GDA: variants seen among roughly 807,000 people sequenced by gnomAD.
GDA encodes cytoplasmic PSD-95 interactor.
A neutral mutation model predicts 59.6 loss-of-function variants in GDA; 18 were observed. The observed-to-expected ratio is 0.30, with a 90% confidence interval of 0.21 to 0.45. GDA has a LOEUF of 0.45. Among genes scored for constraint, GDA ranks in the 20% least tolerant of loss-of-function variants. GDA has a pLI of 1.00. For synonymous variants in GDA, 201 were observed against 201.1 expected (o/e 1.00, Z 0.00); for missense variants, 427 against 552.3 (o/e 0.77, Z 2.27).
At position 72,149,594 on chromosome 9, in the gene GDA, T is replaced by A; in HGVS notation, c.35T>A (p.Ile12Asn). 4 of 1,611,508 alleles carry A rather than the reference T, an allele frequency of 2.5e-6. No homozygotes were observed. Among genetic ancestry groups the A allele is most frequent in the Non-Finnish European group, 3.4e-6 (4 of 1,179,110 alleles). ...CAAQMPPLAH[I>N]FRGTFVHSTW... The stretch of plus-strand genomic sequence containing the variant: ...GCTCAGATGCCGCCCCTGGCGCACA[T>A]CTTCCGAGGGACGTTCGTCCACTCC... The change falls in exon 1 of 14, where the codon ATC (isoleucine) becomes AAC (asparagine). Residue 12 changes from isoleucine to asparagine, a missense_variant. Coordinates refer to ENST00000358399, the MANE Select transcript of GDA (RefSeq NM_004293.5).
chr9:72,221,763 T>C (rs1159960269), intron 6 of GDA, among the ~76,000 whole-genome samples: 1 of 152,250 alleles, frequency 6.6e-6, no homozygotes, highest in Non-Finnish European at 1.5e-5. Context: ...TATGGGTCCA[T>C]GTGTTCTCAT....
chr9:72,180,724 C>T (rs1831088049), intron 1 of GDA, among the ~76,000 whole-genome samples: 2 of 152,130 alleles, frequency 1.3e-5, no homozygotes, highest in Non-Finnish European at 2.9e-5. Flanking sequence ...TAAGCAGTTT[C>T]CTTCTTCCAC....
chr9:72,206,655 C>T (rs1009748625), intron 3 of GDA, among the ~76,000 whole-genome samples: 4 of 152,008 alleles, frequency 2.6e-5, no homozygotes, highest in East Asian at 1.9e-4. Context: ...TGCCTGTAAT[C>T]CCAGCTACTC....
chr9:72,179,673 C>T (rs1352941249), intron 1 of GDA, among the ~76,000 whole-genome samples: 1 of 152,160 alleles, frequency 6.6e-6, no homozygotes, highest in Non-Finnish European at 1.5e-5. Flanking sequence ...GTACCACAAA[C>T]AGGGAGGCTT....
Position 72,212,309 on chromosome 9 carries a change from T to C in GDA, c.472+1535T>C, listed in dbSNP as rs867699374. 1.6e-3 allele frequency among the ~76,000 whole-genome samples: 241 copies of C among 151,950 alleles called. 2 individuals carry two copies. Among genetic ancestry groups the C allele is most frequent in the African/African-American group, 5.5e-3 (228 of 41,384 alleles). Reference sequence around the variant, plus strand: ...CATCCTGGCTAACATGGTGAAACCCTGTCTCTACTAAAAATACAAAAAATT... The same window carrying C: ...CATCCTGGCTAACATGGTGAAACCCCGTCTCTACTAAAAATACAAAAAATT... On this transcript the variant is annotated intron_variant, in intron 4 of 13. Coordinates refer to ENST00000358399, the MANE Select transcript of GDA (RefSeq NM_004293.5).
intron 1 of GDA, among the ~76,000 whole-genome samples, chr9:72,144,136 C>T (rs1826538885): frequency 6.6e-6 from 1 of 152,172 alleles, no homozygotes. Flanking sequence ...GCAGAAGAAT[C>T]CCTTGAGCCT....
At chr9:72,160,802 A>G (rs1263013411) in intron 1 of GDA, among the ~76,000 whole-genome samples, 2 of 152,138 alleles carry the variant, frequency 1.3e-5, no homozygotes, top group Non-Finnish European at 2.9e-5. Context: ...TGTTTGCCCA[A>G]CCTTCCACGT....
chr9:72,134,248 A>C (rs180833605), intron 1 of GDA, among the ~76,000 whole-genome samples: 7 of 152,224 alleles, frequency 4.6e-5, no homozygotes, highest in Admixed American at 1.3e-4. Context: ...CATCTTAAAC[A>C]TGACATTTAA....
At chr9:72,137,268 C>T (rs1176057979) in intron 1 of GDA, among the ~76,000 whole-genome samples, 7 of 86,270 alleles carry the variant, frequency 8.1e-5, no homozygotes, top group African/African-American at 1.7e-4. Context: ...TTTTTTGAGA[C>T]GGAGTCTCAC....
At chr9:72,150,000 G>A (rs1032048623) in intron 1 of GDA, among the ~76,000 whole-genome samples, 3 of 151,854 alleles carry the variant, frequency 2.0e-5, no homozygotes, top group South Asian at 2.1e-4. Flanking sequence ...CCAATCCTAA[G>A]ATACCGGCAA....
In GDA at chr9:72,247,452, C is replaced by G. The variant is rs1423101156; in HGVS notation, c.1294+19C>G. ...TATCTAGGTAGGTAGATGCATGTCT[C>G]TATGCTAAATATTAAATAGAACCTT... On this transcript the variant is annotated intron_variant, in intron 13 of 13. Coordinates refer to ENST00000358399, the MANE Select transcript of GDA (RefSeq NM_004293.5). 11 of 1,322,380 alleles carry G rather than the reference C, an allele frequency of 8.3e-6. No homozygotes were observed. The highest frequency in any genetic ancestry group is 9.8e-6 in the Non-Finnish European group (9 of 916,168). 81.9% of individuals were successfully genotyped at this position (1,322,380 alleles called of 1,614,324 possible).
At position 72,234,675 on chromosome 9, in the gene GDA, A is replaced by T. The variant is rs12339476; in HGVS notation, c.988+3494A>T. ...AGGGTAAATCTTTTCTGAGCTTAAG[A>T]AAGAACTGCCTTGCAAGTGCTTACC... On this transcript the variant is annotated intron_variant, in intron 10 of 13. Coordinates refer to ENST00000358399, the MANE Select transcript of GDA (RefSeq NM_004293.5). Among the ~76,000 whole-genome samples the T allele has an allele frequency of 6.6e-3, 1,013 of 152,338 alleles. 9 individuals are homozygous for T. The highest frequency in any genetic ancestry group is 0.023 in the African/African-American group (938 of 41,578).
At chr9:72,155,270 T>C (rs1415660294) in intron 1 of GDA, among the ~76,000 whole-genome samples, 7 of 152,158 alleles carry the variant, frequency 4.6e-5, no homozygotes. Flanking sequence ...AAACTCCTGA[T>C]AAACCCATCA....
upstream of GDA, among the ~76,000 whole-genome samples, chr9:72,146,817 G>C (rs1826656954): frequency 6.6e-6 from 1 of 152,162 alleles, no homozygotes; most frequent in Non-Finnish European, 1.5e-5. Flanking sequence ...CTGGCATGTG[G>C]CTGAGCCATG....
chr9:72,141,873 T>G (rs1826453261), intron 1 of GDA, among the ~76,000 whole-genome samples: 1 of 152,188 alleles, frequency 6.6e-6, no homozygotes, highest in Non-Finnish European at 1.5e-5. Context: ...GTATAGATTC[T>G]TCTATCTCAA....
At chr9:72,141,061 A>T (rs1037126324) in intron 1 of GDA, among the ~76,000 whole-genome samples, 1 of 152,186 alleles carries the variant, frequency 6.6e-6, no homozygotes. Context: ...TTAATGCTCC[A>T]TGGGGGAGAA....
At chr9:72,138,678 A>G (rs1826333944) in intron 1 of GDA, among the ~76,000 whole-genome samples, 1 of 152,244 alleles carries the variant, frequency 6.6e-6, no homozygotes, top group Admixed American at 6.5e-5. Context: ...CAGACAGTTT[A>G]TCACAGCCAC....
chr9:72,177,581 GA>G (rs556049904), intron 1 of GDA, among the ~76,000 whole-genome samples: 418 of 149,390 alleles, frequency 2.8e-3, no homozygotes, highest in African/African-American at 9.4e-3. Context: ...TTTTGCAAAA[GA>G]AAAAAAAACA....
chr9:72,169,243 C>CATCT, intron 1 of GDA, among the ~76,000 whole-genome samples: 1 of 152,134 alleles, frequency 6.6e-6, no homozygotes, highest in Non-Finnish European at 1.5e-5. Context: ...GAATGGCTAG[C>CATCT]ATCTTTATAC....
Sources: allele counts gnomAD v4.1 joint callset (sites outside exome capture counted in the v4.1 genomes callset), GRCh38; gene constraint gnomAD v4.1.1; transcripts MANE v1.5; gene names NCBI Gene and HGNC (gene_info 2026-07-23, HGNC 2026-07-21).